Variants in TXNDC8 observed in about 807,000 individuals in gnomAD.
TXNDC8 encodes thioredoxin domain-containing protein 8.
In TXNDC8, 15 loss-of-function variants were observed where a neutral mutation model predicts 12.9. The ratio of observed to expected loss-of-function variants is 1.16; its 90% CI spans 0.78 to 1.79. The LOEUF is 1.79. TXNDC8 is among the 40% of genes most tolerant of loss of function. TXNDC8 has a pLI of 0.00. For synonymous variants in TXNDC8, 40 were observed against 35.4 expected (o/e 1.13, Z -0.46); for missense variants, 128 against 113.2 (o/e 1.13, Z -0.59).
At chr9:110,312,188 A>C (rs1373726316) in intron 3 of TXNDC8, among the ~76,000 whole-genome samples, 1 of 152,204 alleles carries the variant, frequency 6.6e-6, no homozygotes, top group Non-Finnish European at 1.5e-5. Context: ...ACTCCTATGA[A>C]CAAAATTTGG....
chr9:110,321,040 C>T (rs1444543849), intron 3 of TXNDC8, among the ~76,000 whole-genome samples: 1 of 152,148 alleles, frequency 6.6e-6, no homozygotes, highest in Non-Finnish European at 1.5e-5. Context: ...CAGGGATGGC[C>T]CATAATCTGC....
chr9:110,333,791 A>G (rs1452123675), intron 2 of TXNDC8, among the ~76,000 whole-genome samples: 1 of 152,192 alleles, frequency 6.6e-6, no homozygotes, highest in African/African-American at 2.4e-5. Context: ...ACAAAGACAT[A>G]TGGTTTGTTC....
At chr9:110,306,374 C>T (rs1266155174) in intron 3 of TXNDC8, among the ~76,000 whole-genome samples, 1 of 152,198 alleles carries the variant, frequency 6.6e-6, no homozygotes, top group Non-Finnish European at 1.5e-5. Flanking sequence ...TTGTCTCTTT[C>T]GGTCTCCAGT....
intron 1 of TXNDC8, among the ~76,000 whole-genome samples, chr9:110,335,734 C>G (rs2118885830): frequency 6.6e-6 from 1 of 152,282 alleles, no homozygotes; most frequent in East Asian, 1.9e-4. Context: ...AGGACTTATT[C>G]TCCCTTTCAT....
chr9:110,326,135 ATAATC>A, intron 3 of TXNDC8, 35 bp downstream of exon 4: 1 of 1,610,396 alleles, frequency 6.2e-7, no homozygotes, highest in South Asian at 1.1e-5. Flanking sequence ...TGATGGTTCT[ATAATC>A]TAATTCAACC....
chr9:110,316,360 G>A (rs1473641994), intron 3 of TXNDC8, among the ~76,000 whole-genome samples: 1 of 152,140 alleles, frequency 6.6e-6, no homozygotes, highest in Non-Finnish European at 1.5e-5. Flanking sequence ...TCTGTGGAGA[G>A]GTGAGCAACA....
rs141651362 is a variant in TXNDC8, at chr9:110,316,664, A to G, written c.195+9511T>C. ...ACTGGCCTTCTTCTCAACTTGTTCT[A>G]ATAGTGCGATACCAGCAAAATACAA... is the stretch of plus-strand genomic sequence containing the variant. On this transcript the variant is annotated intron_variant, in intron 3 of 4. Coordinates refer to ENST00000423740, the MANE Select transcript of TXNDC8 (RefSeq NM_001286946.2). Among the ~76,000 whole-genome samples the G allele has an allele frequency of 2.0e-3, 303 of 152,348 alleles. 1 individual carries two copies. Among genetic ancestry groups the G allele is most frequent in the African/African-American group, 6.9e-3 (286 of 41,576 alleles).
chr9:110,316,560 C>G (rs997284818), intron 3 of TXNDC8, among the ~76,000 whole-genome samples: 1 of 152,160 alleles, frequency 6.6e-6, no homozygotes, highest in Non-Finnish European at 1.5e-5. Context: ...AAAAATCAAG[C>G]AAGCAGCTTG....
intron 2 of TXNDC8, among the ~76,000 whole-genome samples, chr9:110,327,938 C>A (rs1054686836): frequency 6.6e-6 from 1 of 152,092 alleles, no homozygotes; most frequent in Admixed American, 6.5e-5. Flanking sequence ...GCTGTGTATT[C>A]TGAATTTATA....
intron 1 of TXNDC8, among the ~76,000 whole-genome samples, chr9:110,334,722 A>C (rs756728988): frequency 1.1e-4 from 16 of 152,198 alleles, no homozygotes; most frequent in Non-Finnish European, 2.1e-4. Flanking sequence ...TCTGAGGAGA[A>C]ACAGGTTGGC....
At chr9:110,323,995 T>C (rs1484127904) in intron 3 of TXNDC8, 5 of 1,550,140 alleles carry the variant, frequency 3.2e-6, no homozygotes, top group Non-Finnish European at 4.4e-6. Context: ...GGCCTGGAGA[T>C]GGAGCCCTAA....
downstream of TXNDC8, among the ~76,000 whole-genome samples, chr9:110,302,705 A>C (rs189567808): frequency 3.5e-3 from 522 of 151,294 alleles, 3 homozygotes; most frequent in Middle Eastern, 0.014. Context: ...GTGTGTGTAC[A>C]CGTCTGTGTT....
intron 2 of TXNDC8, among the ~76,000 whole-genome samples, chr9:110,328,902 C>T (rs1383341380): frequency 3.9e-5 from 6 of 152,148 alleles, no homozygotes; most frequent in Non-Finnish European, 8.8e-5. Context: ...CTATTGTCTC[C>T]CTAGAGCAAC....
chr9:110,303,209 C>T (rs547611280), downstream of TXNDC8, among the ~76,000 whole-genome samples: 1 of 152,280 alleles, frequency 6.6e-6, no homozygotes, highest in African/African-American at 2.4e-5. Flanking sequence ...CTTTGCTAAT[C>T]TCTGGAAAAT....
chr9:110,334,210 A>G lies in TXNDC8; in HGVS notation c.129+6T>C, dbSNP rs1839657332. On this transcript the variant is annotated splice_donor_region_variant and intron_variant, in intron 2 of 4. Coordinates refer to ENST00000423740, the MANE Select transcript of TXNDC8 (RefSeq NM_001286946.2). Reference sequence around the variant, plus strand: ...AAACTATGAGATATATACTGGTTGTACTCACATGGAAAACAGGAAACATCC... The same window carrying G: ...AAACTATGAGATATATACTGGTTGTGCTCACATGGAAAACAGGAAACATCC... The G allele has an allele frequency of 1.2e-6, 2 of 1,602,636 alleles. No homozygotes were observed. The highest frequency in any genetic ancestry group is 2.7e-5 in the African/African-American group (2 of 74,780).
chr9:110,317,200 C>T (rs1228969912), intron 3 of TXNDC8, among the ~76,000 whole-genome samples: 25 of 152,136 alleles, frequency 1.6e-4, no homozygotes, highest in Non-Finnish European at 3.1e-4. Context: ...TCATTTTTCC[C>T]GTTTACTGGA....
At position 110,333,901 on chromosome 9, in the gene TXNDC8, T is replaced by C. The variant is rs1425365623; in HGVS notation, c.129+315A>G. 2.6e-5 allele frequency among the ~76,000 whole-genome samples: 4 copies of C among 152,348 alleles called. No individual in the cohort carries two copies. The East Asian group carries it at 5.8e-4, about 22-fold the overall frequency. On this transcript the variant is annotated intron_variant, in intron 2 of 4. Coordinates refer to ENST00000423740, the MANE Select transcript of TXNDC8 (RefSeq NM_001286946.2). ...GTATTCTAATCCAGTGTTTGAAAGT[T>C]CTGAACTCTTGAAACTTTGGTAAAA...
intron 3 of TXNDC8, among the ~76,000 whole-genome samples, chr9:110,311,210 T>G (rs935105539): frequency 1.3e-5 from 2 of 152,078 alleles, no homozygotes; most frequent in African/African-American, 4.8e-5. Context: ...ATTATCACAG[T>G]TTACATAAAT....
chr9:110,324,442 C>T (rs192740351), intron 3 of TXNDC8, among the ~76,000 whole-genome samples: 1 of 152,188 alleles, frequency 6.6e-6, no homozygotes, highest in Non-Finnish European at 1.5e-5. Flanking sequence ...CTGCAGCTAG[C>T]ATATCCAATG....
Sources: allele counts gnomAD v4.1 joint callset (sites outside exome capture counted in the v4.1 genomes callset), GRCh38; gene constraint gnomAD v4.1.1; transcripts MANE v1.5; gene names NCBI Gene and HGNC (gene_info 2026-07-23, HGNC 2026-07-21).